FCHSD2: variants seen among roughly 807,000 people sequenced by gnomAD.
FCHSD2 encodes F-BAR and double SH3 domains protein 2.
FCHSD2 carries 38 observed loss-of-function variants against 108.1 expected under a neutral mutation model. The ratio of observed to expected loss-of-function variants is 0.35; its 90% confidence interval spans 0.27 to 0.46. FCHSD2 has a LOEUF of 0.46. Ranked by LOEUF, FCHSD2 falls within the 20% of genes least tolerant of loss-of-function variation. The pLI is 1.00. For synonymous variants in FCHSD2, 279 were observed against 314.7 expected (o/e 0.89, Z 1.20); for missense variants, 751 against 897.8 (o/e 0.84, Z 2.09).
Position 72,913,060 on chromosome 11 carries a change from G to A in FCHSD2, c.828+8768C>T, listed in dbSNP as rs928602256. 5.3e-5 allele frequency among the ~76,000 whole-genome samples: 8 copies of A among 152,134 alleles called. No homozygotes were observed. The South Asian group carries it at 1.5e-3, about 28-fold the overall frequency. ...CAGGAGCAGGAGGAAAAGAGAGAAG[G>A]GGGAGGTGCTACACACTTTTAAACA... On this transcript the variant is annotated intron_variant, in intron 9 of 19. Coordinates refer to ENST00000409418, the MANE Select transcript of FCHSD2 (RefSeq NM_014824.3).
At chr11:72,892,589 T>C (rs1855337707) in intron 10 of FCHSD2, among the ~76,000 whole-genome samples, 1 of 151,942 alleles carries the variant, frequency 6.6e-6, no homozygotes, top group Admixed American at 6.6e-5. Flanking sequence ...TAATTATGTT[T>C]TTGTGTTTTT....
chr11:73,050,577 C>G (rs956577625), intron 3 of FCHSD2, among the ~76,000 whole-genome samples: 9 of 151,960 alleles, frequency 5.9e-5, no homozygotes, highest in African/African-American at 2.2e-4. Flanking sequence ...GAACCCAGGC[C>G]CCCACAATGG....
chr11:72,932,305 T>C (rs1330834440), intron 8 of FCHSD2, among the ~76,000 whole-genome samples: 1 of 152,162 alleles, frequency 6.6e-6, no homozygotes, highest in Non-Finnish European at 1.5e-5. Flanking sequence ...TCTCACCAAC[T>C]CATTTCCACT....
chr11:73,121,856 A>G (rs1041632081), intron 2 of FCHSD2, among the ~76,000 whole-genome samples: 1 of 152,222 alleles, frequency 6.6e-6, no homozygotes, highest in South Asian at 2.1e-4. Context: ...ATTAGGGATA[A>G]GCCTACAAAA....
chr11:73,037,868 G>C (rs1056154132), intron 3 of FCHSD2, among the ~76,000 whole-genome samples: 1 of 152,140 alleles, frequency 6.6e-6, no homozygotes, highest in East Asian at 1.9e-4. Flanking sequence ...AAAAGAAGAA[G>C]GCAGTTCTCT....
intron 9 of FCHSD2, among the ~76,000 whole-genome samples, chr11:72,913,812 C>CA (rs1855812818): frequency 7.7e-6 from 1 of 129,348 alleles, no homozygotes; most frequent in Non-Finnish European, 1.7e-5. Context: ...TACAAAAAAA[C>CA]CAAAAAAAAC....
intron 2 of FCHSD2, among the ~76,000 whole-genome samples, chr11:73,100,245 C>T (rs1407346921): frequency 3.3e-5 from 5 of 152,194 alleles, no homozygotes; most frequent in Non-Finnish European, 7.3e-5. Flanking sequence ...GTCCCTTCCT[C>T]CCTTCTCAAG....
At chr11:73,063,268 T>C (rs1210488399) in intron 3 of FCHSD2, among the ~76,000 whole-genome samples, 3 of 152,308 alleles carry the variant, frequency 2.0e-5, no homozygotes, top group East Asian at 3.9e-4. Context: ...AGGCCTGCCT[T>C]TGAAGGGCTC....
chr11:73,009,614 G>A (rs1024956358), intron 4 of FCHSD2, among the ~76,000 whole-genome samples: 4 of 152,066 alleles, frequency 2.6e-5, no homozygotes, highest in African/African-American at 7.2e-5. Flanking sequence ...CCTTTTGCTT[G>A]TCTGGGAAAG....
At chr11:72,968,203 G>A (rs1856949368) in intron 8 of FCHSD2, among the ~76,000 whole-genome samples, 1 of 152,096 alleles carries the variant, frequency 6.6e-6, no homozygotes, top group African/African-American at 2.4e-5. Flanking sequence ...AAGGTTTTAT[G>A]TAGGGTACAA....
chr11:72,842,959 T>C, intron 16 of FCHSD2, 118 bp from the exon 17 acceptor site: 3 of 931,178 alleles, frequency 3.2e-6, no homozygotes. Context: ...ATTAAAGTTG[T>C]AATTTTTTTA....
intron 8 of FCHSD2, among the ~76,000 whole-genome samples, chr11:72,973,265 G>A (rs1168916822): frequency 6.6e-6 from 1 of 152,024 alleles, no homozygotes; most frequent in East Asian, 1.9e-4. Flanking sequence ...TACTCAGGAG[G>A]CTGAGGCAGG....
At chr11:72,855,192 G>T (rs1861393981) in intron 13 of FCHSD2, among the ~76,000 whole-genome samples, 1 of 152,214 alleles carries the variant, frequency 6.6e-6, no homozygotes, top group Admixed American at 6.5e-5. Context: ...AGAATCGCTT[G>T]AACCTGGGAG....
intron 8 of FCHSD2, among the ~76,000 whole-genome samples, chr11:72,945,150 T>C (rs1856494187): frequency 6.6e-6 from 1 of 152,086 alleles, no homozygotes; most frequent in Non-Finnish European, 1.5e-5. Context: ...CTTCAAACTA[T>C]ACTACAAGGC....
At chr11:72,905,743 C>T (rs2135280332) in intron 9 of FCHSD2, among the ~76,000 whole-genome samples, 1 of 152,308 alleles carries the variant, frequency 6.6e-6, no homozygotes, top group Non-Finnish European at 1.5e-5. Context: ...CCAACTTCAT[C>T]AATGTCCCTG....
intron 19 of FCHSD2, 33 bp from the exon 20 acceptor site, chr11:72,838,907 C>T: frequency 6.4e-7 from 1 of 1,568,756 alleles, no homozygotes; most frequent in Non-Finnish European, 8.7e-7. Context: ...GTTTGTCAGT[C>T]AGTTCCTGAC....
rs574029546 is a variant in FCHSD2 at position 72,855,141 on chromosome 11, C to T, written c.1309-5252G>A. On this transcript the variant is annotated intron_variant, in intron 13 of 19. Coordinates refer to ENST00000409418, the MANE Select transcript of FCHSD2 (RefSeq NM_014824.3). ...ATACAAAATTAGCCGGGTGTGGTGGCGCATGCCTATAACCCCAGCTACTCA... is the reference window on the plus strand; with the variant it reads ...ATACAAAATTAGCCGGGTGTGGTGGTGCATGCCTATAACCCCAGCTACTCA... Among the ~76,000 whole-genome samples the T allele has an allele frequency of 7.8e-4, 118 of 152,242 alleles. 1 individual carries two copies. The highest frequency in any genetic ancestry group is 6.8e-3 in the Middle Eastern group (2 of 294).
chr11:73,063,159 C>CA (rs1393645349), intron 3 of FCHSD2, among the ~76,000 whole-genome samples: 6 of 152,148 alleles, frequency 3.9e-5, no homozygotes, highest in Non-Finnish European at 8.8e-5. Flanking sequence ...AAAGAATTTT[C>CA]AACCCAGAAT....
chr11:72,985,771 C>A (rs932741459), intron 6 of FCHSD2, among the ~76,000 whole-genome samples: 2 of 152,084 alleles, frequency 1.3e-5, no homozygotes, highest in Non-Finnish European at 2.9e-5. Flanking sequence ...GGGAGAGTAA[C>A]CATAATCTAA....
Sources: allele counts gnomAD v4.1 joint callset (sites outside exome capture counted in the v4.1 genomes callset), GRCh38; gene constraint gnomAD v4.1.1; transcripts MANE v1.5; gene names NCBI Gene and HGNC (gene_info 2026-07-23, HGNC 2026-07-21).